THTPA: variants seen among roughly 807,000 people sequenced by gnomAD.
THTPA encodes the protein thiamine triphosphatase, also known as thiamine-triphosphatase.
A neutral mutation model predicts 16.5 loss-of-function variants in THTPA; 16 were observed. The observed-to-expected ratio is 0.97, with a 90% CI of 0.66 to 1.47. The LOEUF (loss-of-function observed/expected upper bound fraction) is 1.47. Among genes scored for constraint, THTPA ranks in the 40% most tolerant of loss-of-function variants. The pLI, the probability that THTPA is intolerant of heterozygous loss-of-function variation, is 0.00. For synonymous variants in THTPA, 110 were observed against 115.5 expected, an observed-to-expected ratio of 0.95 and a Z score of 0.30; for missense variants, 281 against 280.9, an observed-to-expected ratio of 1.00 and a Z score of 0.00.
the THTPA span, chr14:23,524,550 G>A: frequency 2.6e-6 from 4 of 1,530,746 alleles, no homozygotes; most frequent in Non-Finnish European, 3.5e-6. The surrounding 1 kb of genome is among the most constrained non-coding windows in gnomAD (Gnocchi z 5.6). Flanking sequence ...GGAGCACTGG[G>A]CTGCAGAGAT....
the THTPA span, chr14:23,528,726 A>G: frequency 3.0e-6 from 3 of 985,352 alleles, no homozygotes; most frequent in Non-Finnish European, 3.6e-6. Context: ...TAATGTGAAT[A>G]AACACCACAG....
the THTPA span, chr14:23,523,110 T>C: frequency 7.1e-7 from 1 of 1,400,870 alleles, no homozygotes; most frequent in South Asian, 1.7e-5. The surrounding 1 kb of genome is among the most constrained non-coding windows in gnomAD (Gnocchi z 4.1). Context: ...CACAGGAGAT[T>C]GGGCATGGGA....
chr14:23,516,113 T>C, the THTPA span, among the ~76,000 whole-genome samples: 1 of 152,228 alleles, frequency 6.6e-6, no homozygotes, highest in East Asian at 1.9e-4. Flanking sequence ...TCTAGGTCAG[T>C]GGTTCTCAAA....
At chr14:23,514,013 T>C in the THTPA span, 1 of 152,690 alleles carries the variant, frequency 6.5e-6, no homozygotes, top group Non-Finnish European at 1.5e-5. Flanking sequence ...TGGCCCTTTG[T>C]CAGAGTATTG....
chr14:23,533,640 C>T, the THTPA span: 19 of 1,536,972 alleles, frequency 1.2e-5, no homozygotes, highest in Non-Finnish European at 1.5e-5. The surrounding 1 kb of genome is among the most constrained non-coding windows in gnomAD (Gnocchi z 4.8). Context: ...TGGTCTTAGG[C>T]TCTTTGTCTC....
the THTPA span, chr14:23,528,484 T>G: frequency 1.7e-6 from 1 of 574,776 alleles, no homozygotes; most frequent in Non-Finnish European, 2.2e-6. Flanking sequence ...CACCTTGGAT[T>G]TAGTTTTCTT....
the THTPA span, chr14:23,533,652 C>T: frequency 3.3e-5 from 51 of 1,537,092 alleles, no homozygotes; most frequent in East Asian, 1.1e-3. The surrounding 1 kb of genome is among the most constrained non-coding windows in gnomAD (Gnocchi z 4.8). Context: ...CTTTGTCTCC[C>T]GCGGAGGGTG....
At chr14:23,525,422 A>T in the THTPA span, 1 of 1,536,052 alleles carries the variant, frequency 6.5e-7, no homozygotes, top group Non-Finnish European at 8.7e-7. This position sits in a 1 kb window ranked among gnomAD's most constrained non-coding sequence, Gnocchi z 5.9. Context: ...TTCAAAGGGC[A>T]GAAAGCGGCG....
At chr14:23,512,217 CAGGG>C in the THTPA span, among the ~76,000 whole-genome samples, 14 of 152,004 alleles carry the variant, frequency 9.2e-5, no homozygotes, top group African/African-American at 2.9e-4. Flanking sequence ...CTGGAGGTGA[CAGGG>C]AGAAATAGCA....
At position 23,559,642 on chromosome 14, in the gene THTPA, C is replaced by A; in HGVS notation, c.*802C>A. 1 of 1,022,062 alleles carries A rather than the reference C, an allele frequency of 9.8e-7. No homozygotes were observed. The highest frequency in any genetic ancestry group is 1.4e-5 in the South Asian group (1 of 71,888). 63.3% of individuals were successfully genotyped at this position (1,022,062 alleles called of 1,614,324 possible). Reference sequence around the variant, plus strand: ...GGGCTGGTCCCCAGTTTTTGCAGTGCAAAGCCAGAGCGCCACCTGCTGGTA... The same window carrying A: ...GGGCTGGTCCCCAGTTTTTGCAGTGAAAAGCCAGAGCGCCACCTGCTGGTA... On this transcript the variant is annotated 3_prime_UTR_variant, in exon 2 of 2. Coordinates refer to ENST00000288014, the MANE Select transcript of THTPA (RefSeq NM_024328.6).
chr14:23,556,411 A>G lies in THTPA; in HGVS notation c.-347A>G, dbSNP rs539232453. 3 of 256,550 alleles carry G rather than the reference A, an allele frequency of 1.2e-5. No homozygotes were observed. Among genetic ancestry groups the G allele is most frequent in the East Asian group, 1.7e-4 (2 of 11,638 alleles). 15.9% of individuals were successfully genotyped at this position (256,550 alleles called of 1,614,324 possible). Reference sequence around the variant, plus strand: ...GGCAGGTCCTCCCGGGTCGTGAGCCAGTAGCCTCCTGGGGTGGCAAGGTGT... The same window carrying G: ...GGCAGGTCCTCCCGGGTCGTGAGCCGGTAGCCTCCTGGGGTGGCAAGGTGT... On this transcript the variant is annotated 5_prime_UTR_variant, in exon 1 of 2. Transcript: ENST00000288014.
At chr14:23,538,961 T>C in the THTPA span, among the ~76,000 whole-genome samples, 7 of 152,144 alleles carry the variant, frequency 4.6e-5, no homozygotes, top group African/African-American at 1.7e-4. Flanking sequence ...GAGCTTTAAA[T>C]TACAAGGCTG....
chr14:23,534,099 G>A, the THTPA span: 27 of 1,497,276 alleles, frequency 1.8e-5, no homozygotes, highest in African/African-American at 1.5e-4. This position sits in a 1 kb window ranked among gnomAD's most constrained non-coding sequence, Gnocchi z 4.5. Context: ...TGGGGTCTTC[G>A]GGGGAGCCCA....
At chr14:23,512,703 A>AATAT in the THTPA span, 1 of 150,254 alleles carries the variant, frequency 6.7e-6, no homozygotes, top group African/African-American at 2.5e-5. Flanking sequence ...TGCTTTAAAA[A>AATAT]ATATATATGT....
rs1882405541 is a variant in THTPA, at chr14:23,556,660, G to A, written c.-98G>A. 2 of 1,311,584 alleles carry A rather than the reference G, an allele frequency of 1.5e-6. No individual in the cohort carries two copies. The highest frequency in any genetic ancestry group is 2.7e-5 in the Admixed American group (1 of 37,510). The allele number at this position is 1,311,584 out of a possible 1,614,324, so 81.2% of individuals were successfully genotyped here. On this transcript the variant is annotated 5_prime_UTR_variant, in exon 1 of 2. Coordinates refer to ENST00000288014, the MANE Select transcript of THTPA (RefSeq NM_024328.6). ...GTGTGCCCCTCATAAGTTTTTCCAGGGAGGGGTTCTGTACTGAGTTGACGC... is the reference window on the plus strand; with the variant it reads ...GTGTGCCCCTCATAAGTTTTTCCAGAGAGGGGTTCTGTACTGAGTTGACGC...
the THTPA span, chr14:23,526,650 G>A: frequency 2.0e-6 from 3 of 1,535,992 alleles, no homozygotes; most frequent in Non-Finnish European, 2.6e-6. Context: ...AGAGGATCTG[G>A]ACTGGCTTCT....
At chr14:23,523,471 G>T in the THTPA span, 65 of 1,536,086 alleles carry the variant, frequency 4.2e-5, no homozygotes, top group Non-Finnish European at 5.6e-5. This position sits in a 1 kb window ranked among gnomAD's most constrained non-coding sequence, Gnocchi z 4.1. Context: ...AGGAGACATA[G>T]AAATCATACT....
the THTPA span, chr14:23,526,592 C>T: frequency 6.5e-7 from 1 of 1,535,600 alleles, no homozygotes; most frequent in Non-Finnish European, 8.7e-7. Flanking sequence ...GCCAGGGCTT[C>T]CTGAGGGTTT....
At chr14:23,525,943 G>A in the THTPA span, 69 of 1,489,160 alleles carry the variant, frequency 4.6e-5, no homozygotes, top group Non-Finnish European at 5.6e-5. The surrounding 1 kb of genome is among the most constrained non-coding windows in gnomAD (Gnocchi z 5.9). Context: ...CTGGGAATCG[G>A]TGCAGGTCCA....
Sources: gnomAD v4.1 joint callset for allele counts (sites outside exome capture counted in the v4.1 genomes callset) on GRCh38, gnomAD v4.1.1 for gene constraint, Gnocchi (gnomAD v3.1) non-coding constraint, MANE v1.5 for transcripts, NCBI Gene and HGNC (gene_info 2026-07-23, HGNC 2026-07-21) for gene names.